The following MAML3 variants were observed in gnomAD, a reference collection of about 807,000 sequenced individuals.
MAML3 encodes mastermind-like protein 3.
MAML3 carries 27 observed loss-of-function variants against 101.9 expected under a neutral mutation model. The ratio of observed to expected loss-of-function variants is 0.27; its 90% CI spans 0.20 to 0.37. The LOEUF is 0.37. Among genes scored for constraint, MAML3 ranks in the 10% least tolerant of loss-of-function variants. MAML3 has a pLI of 1.00. For missense variants in MAML3, 1,316 were observed against 1,444.9 expected, an observed-to-expected ratio of 0.91 and a Z score of 1.45; for synonymous variants, 501 against 555.9, an observed-to-expected ratio of 0.90 and a Z score of 1.39.
chr4:139,869,371 T>C (rs1349423849), intron 2 of MAML3, among the ~76,000 whole-genome samples: 1 of 63,854 alleles, frequency 1.6e-5, no homozygotes, highest in Non-Finnish European at 3.5e-5. Flanking sequence ...TGGAAGGCAA[T>C]AAAATTTTTG....
At chr4:139,798,092 GA>G (rs1365959363) in intron 2 of MAML3, among the ~76,000 whole-genome samples, 33 of 129,338 alleles carry the variant, frequency 2.6e-4, no homozygotes, top group Non-Finnish European at 8.5e-5. Context: ...AAGAAAGAAA[GA>G]AAAGGGATTA....
At chr4:140,023,287 T>C (rs1345789693) in intron 1 of MAML3, among the ~76,000 whole-genome samples, 1 of 152,204 alleles carries the variant, frequency 6.6e-6, no homozygotes, top group Non-Finnish European at 1.5e-5. Flanking sequence ...ACATAATAGC[T>C]AGACGTTCTG....
At chr4:139,872,965 C>T (rs1374311790) in intron 2 of MAML3, among the ~76,000 whole-genome samples, 1 of 151,946 alleles carries the variant, frequency 6.6e-6, no homozygotes, top group Non-Finnish European at 1.5e-5. Context: ...CCTGTAATCC[C>T]AGCTACTCAG....
chr4:139,850,437 G>GA (rs1232919015), intron 2 of MAML3, among the ~76,000 whole-genome samples: 3 of 152,158 alleles, frequency 2.0e-5, no homozygotes, highest in Non-Finnish European at 4.4e-5. Context: ...CCCTGGTTTG[G>GA]ATAATAAATT....
At chr4:140,135,926 C>A (rs190468122) in intron 1 of MAML3, among the ~76,000 whole-genome samples, 1 of 152,312 alleles carries the variant, frequency 6.6e-6, no homozygotes, top group Admixed American at 6.5e-5. Flanking sequence ...TCTCCTTCAA[C>A]CTAATGAATT....
intron 2 of MAML3, among the ~76,000 whole-genome samples, chr4:139,799,223 C>A (rs141345542): frequency 8.6e-4 from 131 of 152,264 alleles, no homozygotes; most frequent in African/African-American, 3.1e-3. Context: ...TTGTGAAGTA[C>A]TACACATAAT....
chr4:140,118,895 CA>C (rs1560899304), intron 1 of MAML3, among the ~76,000 whole-genome samples: 1 of 152,178 alleles, frequency 6.6e-6, no homozygotes, highest in African/African-American at 2.4e-5. Context: ...CCTCTGACGG[CA>C]CACACAGAAT....
chr4:139,907,546 A>G (rs1021092121), intron 1 of MAML3, among the ~76,000 whole-genome samples: 2 of 152,226 alleles, frequency 1.3e-5, no homozygotes, highest in Non-Finnish European at 2.9e-5. Context: ...ATTATCTTTT[A>G]TAAAAATGCC....
intron 1 of MAML3, among the ~76,000 whole-genome samples, chr4:140,107,567 C>T (rs903074417): frequency 1.2e-4 from 18 of 150,082 alleles, no homozygotes; most frequent in East Asian, 2.0e-4. Context: ...TGCAGTGGCG[C>T]GATCTCGGCT....
intron 1 of MAML3, among the ~76,000 whole-genome samples, chr4:140,015,246 C>A (rs1356764350): frequency 2.6e-5 from 4 of 151,924 alleles, no homozygotes; most frequent in Non-Finnish European, 5.9e-5. Flanking sequence ...AAAAGAAAAG[C>A]AAAGTCAAGT....
chr4:139,965,590 T>C (rs979650073), intron 1 of MAML3, among the ~76,000 whole-genome samples: 4 of 152,238 alleles, frequency 2.6e-5, no homozygotes, highest in Non-Finnish European at 5.9e-5. Context: ...ACTGCAATTG[T>C]AGCCAAAATG....
intron 1 of MAML3, among the ~76,000 whole-genome samples, chr4:140,123,949 C>T (rs898079404): frequency 2.0e-5 from 3 of 152,110 alleles, no homozygotes; most frequent in African/African-American, 7.2e-5. Flanking sequence ...GTTTTTGCAT[C>T]GTATTTCACA....
chr4:139,748,576 A>G lies in MAML3; in HGVS notation c.2080-17909T>C, dbSNP rs77340511. Reference sequence around the variant, plus strand: ...AAGTCAGGCTGAGAAGAGGCCAAGAACAGACCCTGGCTGGGAGGACACTTC... The same window carrying G: ...AAGTCAGGCTGAGAAGAGGCCAAGAGCAGACCCTGGCTGGGAGGACACTTC... On this transcript the variant is annotated intron_variant, in intron 2 of 4. Transcript: ENST00000509479. 5.8e-3 allele frequency among the ~76,000 whole-genome samples: 884 copies of G among 152,302 alleles called. 6 individuals are homozygous for G. The highest frequency in any genetic ancestry group is 0.02 in the African/African-American group (835 of 41,566).
intron 2 of MAML3, among the ~76,000 whole-genome samples, chr4:139,768,133 T>C (rs899201231): frequency 1.3e-5 from 2 of 152,166 alleles, no homozygotes; most frequent in Admixed American, 6.6e-5. Context: ...AAGTTCCTTA[T>C]AGATTTTGGA....
At chr4:140,065,838 G>A (rs1399653238) in intron 1 of MAML3, among the ~76,000 whole-genome samples, 6 of 152,132 alleles carry the variant, frequency 3.9e-5, no homozygotes, top group Non-Finnish European at 7.4e-5. Context: ...ACGATTCCCA[G>A]CACCTCCATC....
intron 1 of MAML3, among the ~76,000 whole-genome samples, chr4:140,037,586 C>T (rs965585735): frequency 3.3e-5 from 5 of 152,152 alleles, no homozygotes; most frequent in Admixed American, 3.3e-4. Context: ...CACAGGAGGC[C>T]TGCAGCTTCA....
At chr4:140,070,041 G>A (rs114646415) in intron 1 of MAML3, among the ~76,000 whole-genome samples, 8,089 of 151,952 alleles carry the variant, frequency 0.053, 467 homozygotes, top group African/African-American at 0.14. Context: ...GCTTGAACCC[G>A]GGAGGCACAA....
At chr4:140,142,441 A>G (rs927251442) in intron 1 of MAML3, among the ~76,000 whole-genome samples, 3 of 152,212 alleles carry the variant, frequency 2.0e-5, no homozygotes, top group Non-Finnish European at 4.4e-5. Flanking sequence ...AGTCATAGAA[A>G]TATAATAATG....
intron 1 of MAML3, among the ~76,000 whole-genome samples, chr4:140,061,663 T>C (rs1578664665): frequency 6.6e-6 from 1 of 152,172 alleles, no homozygotes; most frequent in African/African-American, 2.4e-5. Flanking sequence ...TAAGAAAATA[T>C]GATGTTCAGA....
Sources: gnomAD v4.1 joint callset for allele counts (sites outside exome capture counted in the v4.1 genomes callset) on GRCh38, gnomAD v4.1.1 for gene constraint, MANE v1.5 for transcripts, NCBI Gene and HGNC (gene_info 2026-07-23, HGNC 2026-07-21) for gene names.